ECE1: variants seen among roughly 807,000 people sequenced by gnomAD.
The protein encoded by ECE1 is endothelin converting enzyme 1.
In ECE1, 35 loss-of-function variants were observed where a neutral mutation model predicts 98.6. That is an observed-to-expected ratio of 0.35 (90% CI 0.27 to 0.47). The LOEUF (loss-of-function observed/expected upper bound fraction) is 0.47. Among genes scored for constraint, ECE1 ranks in the 20% least tolerant of loss-of-function variants. The pLI, the probability that ECE1 is intolerant of heterozygous loss-of-function variation, is 1.00. For synonymous variants in ECE1, 394 were observed against 407.1 expected (o/e 0.97, Z 0.39); for missense variants, 814 against 1,025.3 (o/e 0.79, Z 2.81).
chr1:21,332,107 C>T (rs1449688650), intron 1 of ECE1, among the ~76,000 whole-genome samples: 1 of 152,166 alleles, frequency 6.6e-6, no homozygotes, highest in Non-Finnish European at 1.5e-5. Context: ...TCCTCAGCAC[C>T]CAGTGGTGTG....
rs964462921 is a variant in ECE1, at chr1:21,322,171, T to G, written c.3+23205A>C. On this transcript the variant is annotated intron_variant, in intron 1 of 18. Transcript: ENST00000415912. The surrounding 1 kb of genome is among the most constrained non-coding windows in gnomAD (Gnocchi z 4.1). ...CAGCATTATATGCCCCTTTTACAGA[T>G]GAAGAAACAGGGGCTCAGAAAGAAG... 1.3e-5 allele frequency among the ~76,000 whole-genome samples: 2 copies of G among 152,064 alleles called. No homozygotes were observed. Among genetic ancestry groups the G allele is most frequent in the South Asian group, 2.1e-4 (1 of 4,824 alleles).
At chr1:21,309,916 C>G (rs1450767122) in intron 1 of ECE1, among the ~76,000 whole-genome samples, 1 of 152,056 alleles carries the variant, frequency 6.6e-6, no homozygotes, top group Non-Finnish European at 1.5e-5. Flanking sequence ...CTCAGCCTCC[C>G]GAGTAGGTGG....
intron 3 of ECE1, among the ~76,000 whole-genome samples, chr1:21,278,085 A>C (rs2098249579): frequency 1.3e-5 from 2 of 151,992 alleles, no homozygotes; most frequent in South Asian, 2.1e-4. Flanking sequence ...AATCTCTCTC[A>C]TGGGGTGAGC....
chr1:21,272,379 C>G (rs2098241223), intron 4 of ECE1, among the ~76,000 whole-genome samples: 1 of 152,166 alleles, frequency 6.6e-6, no homozygotes, highest in Non-Finnish European at 1.5e-5. Context: ...GCAACCTCTG[C>G]CTCCCAGTTT....
At chr1:21,330,002 T>C (rs900970157) in intron 1 of ECE1, among the ~76,000 whole-genome samples, 6 of 152,032 alleles carry the variant, frequency 3.9e-5, no homozygotes, top group Admixed American at 1.3e-4. Flanking sequence ...GGTTTAAATT[T>C]TGGCTCTGCT....
chr1:21,265,488 C>T (rs984631928), intron 4 of ECE1, among the ~76,000 whole-genome samples: 35 of 152,120 alleles, frequency 2.3e-4, no homozygotes, highest in Admixed American at 1.8e-3. Context: ...GCCGAGATAG[C>T]GCCACTGTAC....
intron 1 of ECE1, among the ~76,000 whole-genome samples, chr1:21,332,503 T>A (rs940902759): frequency 4.2e-5 from 6 of 141,838 alleles, no homozygotes; most frequent in African/African-American, 1.6e-4. Context: ...GTACTTTGCC[T>A]GAGGCTGCTC....
intron 4 of ECE1, among the ~76,000 whole-genome samples, chr1:21,264,319 CCT>C (rs148468189): frequency 0.63 from 89,813 of 143,630 alleles, 28,271 homozygotes; most frequent in East Asian, 0.9. Flanking sequence ...TCCCCCCCCC[CCT>C]TTTTTTTTTT....
chr1:21,303,567 C>T (rs2103381027), intron 1 of ECE1, among the ~76,000 whole-genome samples: 2 of 152,340 alleles, frequency 1.3e-5, no homozygotes, highest in East Asian at 3.9e-4. Flanking sequence ...ACTAACATTC[C>T]AACTGGCCCA....
In ECE1 at chr1:21,245,170, G is replaced by C. The variant is rs143901215; in HGVS notation, c.1164-67C>G. 310 of 1,422,992 alleles carry C rather than the reference G, an allele frequency of 2.2e-4. 6 individuals are homozygous for C. The East Asian group carries it at 6.0e-3, about 27-fold the overall frequency. The allele number at this position is 1,422,992 out of a possible 1,614,324, so 88.1% of individuals were successfully genotyped here. A position where few individuals can be genotyped will look rare whatever the true frequency, so the allele number is the denominator to read the frequency against. On this transcript the variant is annotated intron_variant, in intron 9 of 18. Coordinates refer to ENST00000374893, the MANE Select transcript of ECE1 (RefSeq NM_001397.3). ...CAGGGAGGATTGCGGCCCTTCCCCTGCTGGCCCCTAGGGGGCTCTCAAACT... is the reference window on the plus strand; with the variant it reads ...CAGGGAGGATTGCGGCCCTTCCCCTCCTGGCCCCTAGGGGGCTCTCAAACT...
intron 1 of ECE1, among the ~76,000 whole-genome samples, chr1:21,316,710 A>G (rs1638839686): frequency 1.3e-5 from 2 of 152,334 alleles, no homozygotes; most frequent in South Asian, 4.1e-4. Flanking sequence ...GCCCATCTAT[A>G]GGAGCCTGGA....
rs2098166367 is a variant in ECE1 at position 21,220,778 on chromosome 1, T to G, written c.2137-647A>C. On this transcript the variant is annotated intron_variant, in intron 18 of 18. Coordinates refer to ENST00000374893, the MANE Select transcript of ECE1 (RefSeq NM_001397.3). The surrounding 1 kb of genome is among the most constrained non-coding windows in gnomAD (Gnocchi z 5.0). The stretch of plus-strand genomic sequence containing the variant: ...ACCATTGCACTCCAGGCCGGGTGAC[T>G]GAGGGAGACTCCGGCTCCAAAAAAA... Among the ~76,000 whole-genome samples, 1 of 151,840 alleles carries G rather than the reference T, an allele frequency of 6.6e-6. No homozygotes were observed. The highest frequency in any genetic ancestry group is 1.9e-4 in the East Asian group (1 of 5,178).
chr1:21,330,135 T>A (rs1460900046), intron 1 of ECE1, among the ~76,000 whole-genome samples: 5 of 104,648 alleles, frequency 4.8e-5, no homozygotes, highest in African/African-American at 1.6e-4. Flanking sequence ...ACTAAATACT[T>A]TTTTTTTTTT....
At chr1:21,306,018 C>T (rs1638587904) in intron 1 of ECE1, among the ~76,000 whole-genome samples, 1 of 152,220 alleles carries the variant, frequency 6.6e-6, no homozygotes, top group Non-Finnish European at 1.5e-5. Flanking sequence ...GGTTTGTCTT[C>T]CCAGCATCCA....
Position 21,219,848 on chromosome 1 carries a change from G to T in ECE1, c.*107C>A. ...GCTGAAAACCCGCCAGTGTGAGGAA[G>T]CAGGGCCCCGGGTGGCCAAGCGGGC... On this transcript the variant is annotated 3_prime_UTR_variant, in exon 19 of 19. Transcript: ENST00000374893. This position sits in a 1 kb window ranked among gnomAD's most constrained non-coding sequence, Gnocchi z 4.5. 6.9e-7 allele frequency: 1 copy of T among 1,445,666 alleles called. No homozygotes were observed. The highest frequency in any genetic ancestry group is 9.5e-7 in the Non-Finnish European group (1 of 1,049,152). 89.6% of individuals were successfully genotyped at this position (1,445,666 alleles called of 1,614,324 possible).
Position 21,322,671 on chromosome 1 carries a change from G to C in ECE1, c.3+22705C>G, listed in dbSNP as rs773067656. On this transcript the variant is annotated intron_variant, in intron 1 of 18. Coordinates refer to the ECE1 transcript ENST00000415912. This position sits in a 1 kb window ranked among gnomAD's most constrained non-coding sequence, Gnocchi z 4.1. ...GAAGTTGATCTAACCACCTAGCTGGGGAAAAGGACAAGAAAACCCAGCGAT... is the reference window on the plus strand; with the variant it reads ...GAAGTTGATCTAACCACCTAGCTGGCGAAAAGGACAAGAAAACCCAGCGAT... 7.2e-5 allele frequency among the ~76,000 whole-genome samples: 11 copies of C among 152,192 alleles called. No individual in the cohort carries two copies. Among genetic ancestry groups the C allele is most frequent in the Non-Finnish European group, 1.3e-4 (9 of 68,042 alleles).
Position 21,236,850 on chromosome 1 carries a change from G to GAGATACACATCACAGC in ECE1, c.1390-22_1390-7dup. 1.2e-6 allele frequency: 2 copies of GAGATACACATCACAGC among 1,607,442 alleles called. No homozygotes were observed. The highest frequency in any genetic ancestry group is 1.7e-6 in the Non-Finnish European group (2 of 1,177,572). On this transcript the variant is annotated splice_polypyrimidine_tract_variant and splice_region_variant and intron_variant, in intron 11 of 18. Transcript: ENST00000374893. ...TCCAGGATGATCTCGGTGGCCTGAG[G>GAGATACACATCACAGC]AGATACACATCACAGCAGTAAGGTC...
rs376028641 is a variant in ECE1 at position 21,258,864 on chromosome 1, G to A, written c.616-25C>T. ...GCTGTGGGGAGGGAGAGCAGGCAGG[G>A]AGGTGATGAGGTGGCGGGGAGACCC... On this transcript the variant is annotated intron_variant, in intron 5 of 18. Coordinates refer to ENST00000374893, the MANE Select transcript of ECE1 (RefSeq NM_001397.3). The surrounding 1 kb of genome is among the most constrained non-coding windows in gnomAD (Gnocchi z 4.2). 1.2e-6 allele frequency: 2 copies of A among 1,613,650 alleles called. No individual in the cohort carries two copies. Among genetic ancestry groups the A allele is most frequent in the Non-Finnish European group, 1.7e-6 (2 of 1,179,888 alleles).
At chr1:21,317,873 G>A (rs1385425224) in intron 1 of ECE1, among the ~76,000 whole-genome samples, 9 of 152,242 alleles carry the variant, frequency 5.9e-5, no homozygotes, top group East Asian at 1.9e-4. Context: ...AGGTGTGGCC[G>A]AAGGTGTGGG....
Sources: allele counts gnomAD v4.1 joint callset (sites outside exome capture counted in the v4.1 genomes callset), GRCh38; gene constraint gnomAD v4.1.1; non-coding constraint Gnocchi (gnomAD v3.1); transcripts MANE v1.5; gene names NCBI Gene and HGNC (gene_info 2026-07-23, HGNC 2026-07-21).